Variants in MPRIP observed in about 807,000 individuals in gnomAD.
MPRIP encodes the protein myosin phosphatase Rho interacting protein.
A neutral mutation model predicts 234.9 loss-of-function variants in MPRIP; 59 were observed. That is an observed-to-expected ratio of 0.25 (90% confidence interval 0.20 to 0.31). MPRIP has a LOEUF of 0.31. Among genes scored for constraint, MPRIP ranks in the 10% least tolerant of loss-of-function variants. The probability of loss-of-function intolerance (pLI) is 1.00; values close to 1 mark genes in which losing one functional copy is unlikely to be tolerated. For missense variants in MPRIP, 2,436 were observed against 3,071.0 expected (o/e 0.79, Z 4.89); for synonymous variants, 1,144 against 1,263.9 (o/e 0.91, Z 2.01).
rs1411062316 is a variant in MPRIP at position 17,192,506 on chromosome 17, T to C, written c.*7612T>C. 1 of 149,132 alleles carries C rather than the reference T, an allele frequency of 6.7e-6. No individual in the cohort carries two copies. The highest frequency in any genetic ancestry group is 2.5e-5 in the African/African-American group (1 of 40,532). 9.2% of individuals were successfully genotyped at this position (149,132 alleles called of 1,614,324 possible). A position where few individuals can be genotyped will look rare whatever the true frequency, so the allele number is the denominator to read the frequency against. The stretch of plus-strand genomic sequence containing the variant: ...GTTTGTGATCAACGATTCACTACAA[T>C]TGAAGTGTTACTTTGTCAGAATATT... On this transcript the variant is annotated 3_prime_UTR_variant, in exon 24 of 24. Coordinates refer to ENST00000651222, the MANE Select transcript of MPRIP (RefSeq NM_001364716.4).
intron 3 of MPRIP, among the ~76,000 whole-genome samples, chr17:17,094,149 G>T (rs1321932380): frequency 6.6e-6 from 1 of 151,490 alleles, no homozygotes; most frequent in African/African-American, 2.4e-5. Flanking sequence ...TTGTTTTTTG[G>T]TTTTTGGTTT....
chr17:17,056,261 G>T (rs1216093311), intron 1 of MPRIP, among the ~76,000 whole-genome samples: 1 of 152,208 alleles, frequency 6.6e-6, no homozygotes, highest in Non-Finnish European at 1.5e-5. Context: ...GAGGAACAGG[G>T]TGTGACTCTT....
chr17:17,171,893 AGGGT>A (rs764406400), intron 17 of MPRIP, 28 bp downstream of exon 17: 16 of 1,590,250 alleles, frequency 1.0e-5, no homozygotes, highest in Non-Finnish European at 1.4e-5. Flanking sequence ...CCCTGAGGGC[AGGGT>A]GGGTGGCCAG....
chr17:17,060,636 G>A (rs149784647), intron 1 of MPRIP, among the ~76,000 whole-genome samples: 1 of 152,208 alleles, frequency 6.6e-6, no homozygotes. Context: ...ACCTGCCCTC[G>A]TGCTCCCATA....
intron 3 of MPRIP, among the ~76,000 whole-genome samples, chr17:17,125,154 A>G (rs2090466765): frequency 6.6e-6 from 1 of 152,222 alleles, no homozygotes; most frequent in Admixed American, 6.5e-5. Context: ...AGTGTCTGGA[A>G]GAGACACCTG....
Position 17,164,407 on chromosome 17 carries a change from A to G in MPRIP, c.2816A>G (p.Glu939Gly). The G allele has an allele frequency of 7.8e-7, 1 of 1,285,258 alleles. No individual in the cohort carries two copies. Among genetic ancestry groups the G allele is most frequent in the East Asian group, 5.6e-5 (1 of 17,900 alleles). 79.6% of individuals were successfully genotyped at this position (1,285,258 alleles called of 1,614,324 possible). ...REQGRVREQL[E>G]ERQHSEAALS... ...CAGGGCCGGGTCCGCGAGCAGCTGG[A>G]GGAGCGGCAACACAGCGAGGCGGCG... The change falls in exon 16 of 24, where the codon GAG (glutamate) becomes GGG (glycine). Residue 939 changes from glutamate (E) to glycine (G), a missense_variant. Physicochemically the swap from Glu to Gly is moderately conservative, Grantham distance 98. This residue lies in a region of MPRIP where 1,998 missense variants were observed against 2,520.3 expected (regional missense o/e 0.79). Transcript: ENST00000651222.
intron 5 of MPRIP, among the ~76,000 whole-genome samples, chr17:17,134,502 GCTT>G (rs1030202685): frequency 2.0e-5 from 3 of 152,194 alleles, no homozygotes; most frequent in Admixed American, 6.5e-5. Flanking sequence ...CGAGAAGCTG[GCTT>G]CTTCTGAGGG....
At chr17:17,133,286 G>T (rs189289445) in intron 5 of MPRIP, among the ~76,000 whole-genome samples, 1 of 152,166 alleles carries the variant, frequency 6.6e-6, no homozygotes, top group African/African-American at 2.4e-5. Flanking sequence ...CTTTGGTCCC[G>T]AGAGCATCCC....
At chr17:17,075,654 G>A (rs1246719211) in intron 1 of MPRIP, 56 bp from the exon 2 acceptor site, 5 of 1,482,808 alleles carry the variant, frequency 3.4e-6, no homozygotes, top group African/African-American at 1.4e-5. Context: ...AACTTGACCT[G>A]TTCTCTCTTC....
intron 3 of MPRIP, among the ~76,000 whole-genome samples, chr17:17,113,966 C>T (rs2090229098): frequency 6.8e-6 from 1 of 147,452 alleles, no homozygotes; most frequent in Non-Finnish European, 1.5e-5. Flanking sequence ...CATCACAGCT[C>T]ACTGCAACCT....
chr17:17,080,233 A>T (rs12450467), intron 3 of MPRIP, among the ~76,000 whole-genome samples: 6 of 152,154 alleles, frequency 3.9e-5, no homozygotes, highest in African/African-American at 1.2e-4. Context: ...GGAGGCACTT[A>T]GGGTAGAAGC....
chr17:17,067,491 A>G (rs895145812), intron 1 of MPRIP, among the ~76,000 whole-genome samples: 3 of 152,226 alleles, frequency 2.0e-5, no homozygotes, highest in Non-Finnish European at 4.4e-5. Flanking sequence ...GAGCAGGACG[A>G]TGCAAGATTT....
Position 17,164,215 on chromosome 17 carries a change from C to G in MPRIP, c.2624C>G (p.Thr875Arg). Residue 875 changes from threonine (T) to arginine (R), a missense_variant, in exon 16 of 24, where the codon ACA becomes AGA. Around this residue, in one of 4 missense-constraint regions of MPRIP, gnomAD observed 1,998 missense variants for 2,520.3 expected, o/e 0.79. Coordinates refer to ENST00000651222, the MANE Select transcript of MPRIP (RefSeq NM_001364716.4). Reference sequence around the variant, plus strand: ...CAGTGCCAGCGCCAGGAGCTGATTACACACCAGATTCAGACCCTGAAGCGT... The same window carrying G: ...CAGTGCCAGCGCCAGGAGCTGATTAGACACCAGATTCAGACCCTGAAGCGT... ...EAQCQRQELI[T>R]HQIQTLKRSY... is the part of the protein sequence containing the mutation. 7.7e-7 allele frequency: 1 copy of G among 1,304,366 alleles called. No homozygotes were observed. Among genetic ancestry groups the G allele is most frequent in the Non-Finnish European group, 1.0e-6 (1 of 989,000 alleles). 80.8% of individuals were successfully genotyped at this position (1,304,366 alleles called of 1,614,324 possible).
chr17:17,173,638 A>G (rs2046192393), intron 18 of MPRIP, among the ~76,000 whole-genome samples: 1 of 152,224 alleles, frequency 6.6e-6, no homozygotes, highest in African/African-American at 2.4e-5. Context: ...AGTTCTAGAA[A>G]TGGGGGTTCT....
chr17:17,125,152 G>C (rs959771402), intron 3 of MPRIP, among the ~76,000 whole-genome samples: 4 of 152,232 alleles, frequency 2.6e-5, no homozygotes, highest in African/African-American at 9.7e-5. Context: ...AGAGTGTCTG[G>C]AAGAGACACC....
At position 17,142,452 on chromosome 17, in the gene MPRIP, G is replaced by A. The variant is rs530052604; in HGVS notation, c.1251-175G>A. 22 of 659,796 alleles carry A rather than the reference G, an allele frequency of 3.3e-5. No individual in the cohort carries two copies. In the East Asian group the frequency reaches 5.1e-4, roughly 15 times the overall value. 40.9% of individuals were successfully genotyped at this position (659,796 alleles called of 1,614,324 possible). A position where few individuals can be genotyped will look rare whatever the true frequency, so the allele number is the denominator to read the frequency against. ...CGCAGGCCTGATGGGAGGGAGGGCCGTGGAGGGGTGCAGGCAGAGCTCGGG... is the reference window on the plus strand; with the variant it reads ...CGCAGGCCTGATGGGAGGGAGGGCCATGGAGGGGTGCAGGCAGAGCTCGGG... On this transcript the variant is annotated intron_variant, in intron 7 of 23. Transcript: ENST00000651222.
chr17:17,171,825 A>G lies in MPRIP; in HGVS notation c.6432A>G (p.Lys2144=), dbSNP rs2046142321. The part of the protein sequence containing the change: ...QRELEKLREE[K]DRLLAEETAA... ...AGCTAGAGAAACTTCGAGAAGAGAA[A>G]GACCGCCTCCTAGCCGAGGAGACAG... Residue 2144 remains lysine, a synonymous_variant, in exon 17 of 24, where the codon AAA becomes AAG. Transcript: ENST00000651222. The G allele has an allele frequency of 5.0e-6, 8 of 1,613,566 alleles. No individual in the cohort carries two copies. In the African/African-American group the frequency reaches 5.3e-5, roughly 11 times the overall value.
At chr17:17,049,772 G>A (rs1401295721) in intron 1 of MPRIP, among the ~76,000 whole-genome samples, 1 of 152,244 alleles carries the variant, frequency 6.6e-6, no homozygotes. Flanking sequence ...TCTTAGAAAA[G>A]CAGCTGGTGG....
At chr17:17,080,374 A>G (rs1202867592) in intron 3 of MPRIP, among the ~76,000 whole-genome samples, 1 of 152,188 alleles carries the variant, frequency 6.6e-6, no homozygotes, top group Non-Finnish European at 1.5e-5. Context: ...TTAACGGTCA[A>G]CCGCCCTGAG....
Sources: allele counts gnomAD v4.1 joint callset (sites outside exome capture counted in the v4.1 genomes callset), GRCh38; gene constraint gnomAD v4.1.1; regional missense constraint gnomAD v4.1.1; transcripts MANE v1.5; gene names NCBI Gene and HGNC (gene_info 2026-07-23, HGNC 2026-07-21).